Variants in MTHFD1L observed in about 807,000 individuals in gnomAD.
The protein encoded by MTHFD1L is methylenetetrahydrofolate dehydrogenase (NADP+ dependent) 1 like.
A neutral mutation model predicts 119.5 loss-of-function variants in MTHFD1L; 81 were observed. The ratio of observed to expected loss-of-function variants is 0.68; its 90% CI spans 0.57 to 0.82. The LOEUF is 0.82. Ranked by LOEUF, MTHFD1L falls within the 40% of genes least tolerant of loss-of-function variation. The pLI, the probability that MTHFD1L is intolerant of heterozygous loss-of-function variation, is 0.00. For synonymous variants in MTHFD1L, 430 were observed against 475.2 expected (o/e 0.90, Z 1.24); for missense variants, 1,125 against 1,253.4 (o/e 0.90, Z 1.55).
At chr6:150,971,289 C>G (rs954783718) in intron 19 of MTHFD1L, among the ~76,000 whole-genome samples, 1 of 152,132 alleles carries the variant, frequency 6.6e-6, no homozygotes, top group Non-Finnish European at 1.5e-5. Flanking sequence ...CTCCACCTCC[C>G]AGGTTCAAGC....
chr6:151,013,884 C>T, intron 22 of MTHFD1L, 64 bp downstream of exon 22: 2 of 1,417,238 alleles, frequency 1.4e-6, no homozygotes, highest in Non-Finnish European at 2.0e-6. Context: ...CGTTGGCTTT[C>T]AGTGAATGAG....
At chr6:150,938,097 A>T (rs571857012) in intron 12 of MTHFD1L, among the ~76,000 whole-genome samples, 9 of 152,262 alleles carry the variant, frequency 5.9e-5, no homozygotes, top group African/African-American at 2.2e-4. Context: ...GGCTCACTCC[A>T]ATCTCCGCCT....
At chr6:151,064,600 G>A (rs1025579693) in intron 26 of MTHFD1L, among the ~76,000 whole-genome samples, 4 of 152,004 alleles carry the variant, frequency 2.6e-5, no homozygotes, top group South Asian at 2.1e-4. Context: ...GGCATGAGCC[G>A]CCGTGCCCAG....
chr6:150,989,985 A>G (rs1778829442), intron 20 of MTHFD1L, among the ~76,000 whole-genome samples: 1 of 152,230 alleles, frequency 6.6e-6, no homozygotes, highest in Non-Finnish European at 1.5e-5. Flanking sequence ...ATGGATTTAA[A>G]AGCTTTTTCA....
At chr6:150,897,822 T>C (rs1691708898) in intron 7 of MTHFD1L, among the ~76,000 whole-genome samples, 1 of 152,210 alleles carries the variant, frequency 6.6e-6, no homozygotes, top group Non-Finnish European at 1.5e-5. Context: ...TGAATGCTTT[T>C]TAAGGTCGTG....
At chr6:150,984,259 A>G (rs1372963643) in intron 20 of MTHFD1L, among the ~76,000 whole-genome samples, 3 of 152,232 alleles carry the variant, frequency 2.0e-5, no homozygotes, top group African/African-American at 4.8e-5. Context: ...TGTTTATGAC[A>G]TAAGGAGAGA....
intron 26 of MTHFD1L, among the ~76,000 whole-genome samples, chr6:151,089,877 A>G (rs781607062): frequency 6.6e-6 from 1 of 152,208 alleles, no homozygotes; most frequent in Non-Finnish European, 1.5e-5. Flanking sequence ...TGTGATACCC[A>G]TCTTCATACC....
chr6:150,979,581 A>G (rs1021807041), intron 20 of MTHFD1L, among the ~76,000 whole-genome samples: 1 of 151,648 alleles, frequency 6.6e-6, no homozygotes, highest in Non-Finnish European at 1.5e-5. Flanking sequence ...GCTCACTGCA[A>G]CCTCCGCCTC....
At chr6:150,866,142 G>A in intron 1 of MTHFD1L, 93 bp downstream of exon 1, 1 of 1,417,144 alleles carries the variant, frequency 7.1e-7, no homozygotes, top group Non-Finnish European at 9.2e-7. Context: ...GGAGCGGGGC[G>A]CGGGGCTGCG....
At chr6:150,886,194 A>T (rs1782231045) in intron 6 of MTHFD1L, among the ~76,000 whole-genome samples, 1 of 152,220 alleles carries the variant, frequency 6.6e-6, no homozygotes. Context: ...GTGCTAGGCG[A>T]GGCCAAGGCC....
chr6:151,066,346 G>A (rs6557110), intron 26 of MTHFD1L, among the ~76,000 whole-genome samples: 88,016 of 149,722 alleles, frequency 0.59, 25,880 homozygotes, highest in East Asian at 0.76. Flanking sequence ...CTGAGGCAGG[G>A]GAATGGTGTG....
At chr6:150,879,546 C>G (rs1781036520) in intron 4 of MTHFD1L, among the ~76,000 whole-genome samples, 1 of 151,876 alleles carries the variant, frequency 6.6e-6, no homozygotes, top group African/African-American at 2.4e-5. Flanking sequence ...CCTCTGCCTC[C>G]CAAAGTGCTA....
intron 20 of MTHFD1L, among the ~76,000 whole-genome samples, chr6:150,986,546 C>T (rs1000766238): frequency 2.0e-5 from 3 of 152,172 alleles, no homozygotes; most frequent in Non-Finnish European, 2.9e-5. Flanking sequence ...CCCTTACATG[C>T]GCAGTTCACA....
intron 20 of MTHFD1L, among the ~76,000 whole-genome samples, chr6:150,980,215 C>T (rs1052974956): frequency 1.3e-5 from 2 of 152,232 alleles, no homozygotes; most frequent in Non-Finnish European, 2.9e-5. Flanking sequence ...CAGGAAACTG[C>T]TAATCACAGG....
intron 19 of MTHFD1L, among the ~76,000 whole-genome samples, chr6:150,968,488 T>C (rs895596742): frequency 6.6e-6 from 1 of 152,140 alleles, no homozygotes; most frequent in Admixed American, 6.5e-5. Context: ...ATTTTCTTTA[T>C]TGTTGTTGTT....
intron 10 of MTHFD1L, among the ~76,000 whole-genome samples, chr6:150,924,042 A>G (rs940383866): frequency 6.6e-6 from 1 of 152,172 alleles, no homozygotes; most frequent in Non-Finnish European, 1.5e-5. Context: ...CAAAGTTTCA[A>G]AGTAAATTCT....
intron 26 of MTHFD1L, among the ~76,000 whole-genome samples, chr6:151,046,553 G>A (rs1463188065): frequency 7.4e-6 from 1 of 134,380 alleles, no homozygotes; most frequent in African/African-American, 2.8e-5. Context: ...CAGCCTACTT[G>A]TTTTCTTCCC....
intron 7 of MTHFD1L, among the ~76,000 whole-genome samples, chr6:150,895,957 C>CT (rs1443152248): frequency 1.5e-4 from 23 of 152,108 alleles, no homozygotes; most frequent in Non-Finnish European, 2.6e-4. Context: ...CAGGCACTGT[C>CT]TTGTACTCCT....
At chr6:150,964,659 C>T (rs530999253) in intron 18 of MTHFD1L, among the ~76,000 whole-genome samples, 266 of 152,300 alleles carry the variant, frequency 1.7e-3, no homozygotes, top group African/African-American at 5.8e-3. Flanking sequence ...AGCCAGAAAA[C>T]ACATTTTCTT....
Sources: gnomAD v4.1 joint callset for allele counts (sites outside exome capture counted in the v4.1 genomes callset) on GRCh38, gnomAD v4.1.1 for gene constraint, MANE v1.5 for transcripts, NCBI Gene and HGNC (gene_info 2026-07-23, HGNC 2026-07-21) for gene names.